Variants in ROPN1 observed in about 807,000 individuals in gnomAD.
ROPN1 encodes rhophilin associated tail protein 1, also known as ropporin-1A.
Under a neutral mutation model 20.5 loss-of-function variants are expected in ROPN1, and 14 were observed. The ratio of observed to expected loss-of-function variants is 0.68; its 90% CI spans 0.45 to 1.07. The LOEUF (loss-of-function observed/expected upper bound fraction) is 1.07. Among genes scored for constraint, ROPN1 ranks in the 50% least tolerant of loss-of-function variants. The pLI, the probability that ROPN1 is intolerant of heterozygous loss-of-function variation, is 0.00. For missense variants in ROPN1, 169 were observed against 242.8 expected (o/e 0.70, Z 2.02); for synonymous variants, 76 against 95.7 (o/e 0.79, Z 1.20).
At chr3:123,985,979 C>A (rs1170375380) in intron 1 of ROPN1, among the ~76,000 whole-genome samples, 1 of 77,044 alleles carries the variant, frequency 1.3e-5, no homozygotes, top group Non-Finnish European at 2.1e-5. Context: ...GGTGACAGAG[C>A]AAGACCTTGT....
chr3:123,986,784 G>A (rs1559827871), intron 1 of ROPN1, among the ~76,000 whole-genome samples: 2 of 152,220 alleles, frequency 1.3e-5, no homozygotes, highest in South Asian at 2.1e-4. Flanking sequence ...TATGGGGAGG[G>A]AAAGTACTGG....
intron 4 of ROPN1, among the ~76,000 whole-genome samples, chr3:123,973,957 C>G (rs1160742208): frequency 1.3e-5 from 2 of 152,202 alleles, no homozygotes; most frequent in Non-Finnish European, 2.9e-5. Context: ...CTTGACTGCT[C>G]TGTGGTCCTA....
chr3:123,974,888 A>G (rs567436212), intron 4 of ROPN1: 1 of 188,544 alleles, frequency 5.3e-6, no homozygotes, highest in South Asian at 1.0e-4. Flanking sequence ...TGGAGATGTC[A>G]TGACTAAATT....
intron 1 of ROPN1, among the ~76,000 whole-genome samples, chr3:123,982,488 A>G (rs905315538): frequency 6.6e-6 from 1 of 152,168 alleles, no homozygotes; most frequent in Non-Finnish European, 1.5e-5. Flanking sequence ...CAAGGGTCTC[A>G]GTACTATTAG....
At chr3:123,975,859 T>G (rs908039065) in intron 3 of ROPN1, 4 of 372,556 alleles carry the variant, frequency 1.1e-5, no homozygotes, top group Non-Finnish European at 2.1e-5. Flanking sequence ...ATTCCTTATA[T>G]GACAGATAGA....
intron 4 of ROPN1, among the ~76,000 whole-genome samples, chr3:123,970,703 C>T (rs1449899810): frequency 1.3e-5 from 2 of 152,114 alleles, no homozygotes; most frequent in African/African-American, 4.8e-5. Context: ...AATGGAGTCC[C>T]AGGAAGATAC....
chr3:123,973,328 A>G (rs775803640), intron 4 of ROPN1, among the ~76,000 whole-genome samples: 29 of 152,116 alleles, frequency 1.9e-4, no homozygotes, highest in Non-Finnish European at 3.2e-4. Context: ...GTTCTTTGAC[A>G]TGGGGATGAT....
intron 4 of ROPN1, among the ~76,000 whole-genome samples, chr3:123,973,843 G>T (rs138339969): frequency 6.6e-6 from 1 of 152,170 alleles, no homozygotes; most frequent in Non-Finnish European, 1.5e-5. Flanking sequence ...CGGGAGAGAC[G>T]AGACCAAAAA....
At chr3:123,987,566 A>C (rs1029183427) in intron 1 of ROPN1, among the ~76,000 whole-genome samples, 6 of 152,196 alleles carry the variant, frequency 3.9e-5, no homozygotes, top group Non-Finnish European at 2.9e-5. Flanking sequence ...TTCTTATAAA[A>C]ATTATGCCCT....
chr3:123,986,206 G>A (rs1001103238), intron 1 of ROPN1, among the ~76,000 whole-genome samples: 2 of 150,686 alleles, frequency 1.3e-5, no homozygotes, highest in African/African-American at 4.9e-5. Flanking sequence ...TTTGAAAACT[G>A]ATTTGTTGTA....
At chr3:123,989,316 G>T (rs2149005296) in intron 1 of ROPN1, among the ~76,000 whole-genome samples, 1 of 152,336 alleles carries the variant, frequency 6.6e-6, no homozygotes, top group Non-Finnish European at 1.5e-5. Flanking sequence ...GGAACCACTA[G>T]AAAATTTAAG....
chr3:123,984,814 T>C (rs1441458239), intron 1 of ROPN1, among the ~76,000 whole-genome samples: 1 of 152,190 alleles, frequency 6.6e-6, no homozygotes, highest in Non-Finnish European at 1.5e-5. Flanking sequence ...AATCTATCCT[T>C]CTTTTCTCTC....
rs1325029915 is a variant in ROPN1 at position 123,976,929 on chromosome 3, C to T, written c.169G>A (p.Glu57Lys). 5 of 1,614,162 alleles carry T rather than the reference C, an allele frequency of 3.1e-6. No individual in the cohort carries two copies. The highest frequency in any genetic ancestry group is 1.6e-4 in the Middle Eastern group (1 of 6,062). Residue 57 changes from glutamate to lysine, a missense_variant, in exon 3 of 6, where the codon GAG becomes AAG. Around this residue, in one of 3 missense-constraint regions of ROPN1, gnomAD observed 84 missense variants for 99.3 expected, o/e 0.85. Coordinates refer to ENST00000405845, the MANE Select transcript of ROPN1 (RefSeq NM_001317774.2). Reference sequence around the variant, plus strand: ...GCCCGGTTACACAAAGCGACTCGCTCAGACCGCTCTCTCACCGGAGGCGTC... The same window carrying T: ...GCCCGGTTACACAAAGCGACTCGCTTAGACCGCTCTCTCACCGGAGGCGTC... The part of the protein sequence containing the change: ...GETPPVRERS[E>K]RVALCNRAEL...
At chr3:123,989,070 A>G (rs944735657) in intron 1 of ROPN1, among the ~76,000 whole-genome samples, 1 of 152,184 alleles carries the variant, frequency 6.6e-6, no homozygotes, top group Non-Finnish European at 1.5e-5. Context: ...AAGCCCTCAG[A>G]AGACAGCCGG....
intron 5 of ROPN1, among the ~76,000 whole-genome samples, 157 bp from the exon 6 acceptor site, chr3:123,969,378 A>G (rs115569253): frequency 7.9e-4 from 121 of 152,260 alleles, no homozygotes; most frequent in African/African-American, 2.7e-3. Flanking sequence ...TGGCTCTGTC[A>G]TCCAGGCTGG....
At chr3:123,986,598 G>A (rs140925507) in intron 1 of ROPN1, among the ~76,000 whole-genome samples, 1 of 152,314 alleles carries the variant, frequency 6.6e-6, no homozygotes, top group East Asian at 1.9e-4. Flanking sequence ...TGGCAGGGGT[G>A]GTGCTTGCTG....
At chr3:123,986,372 A>G (rs1449777752) in intron 1 of ROPN1, among the ~76,000 whole-genome samples, 1 of 152,056 alleles carries the variant, frequency 6.6e-6, no homozygotes, top group Non-Finnish European at 1.5e-5. Context: ...TCCTGAAATG[A>G]CCACACAGTG....
At chr3:123,989,262 T>C (rs928774414) in intron 1 of ROPN1, among the ~76,000 whole-genome samples, 2 of 152,208 alleles carry the variant, frequency 1.3e-5, no homozygotes, top group African/African-American at 4.8e-5. Flanking sequence ...GCTGGAAATA[T>C]AGCTCAAGGC....
intron 5 of ROPN1, 152 bp from the exon 6 acceptor site, chr3:123,969,373 C>G (rs2148988440): frequency 1.4e-6 from 1 of 705,932 alleles, no homozygotes; most frequent in East Asian, 2.8e-5. Flanking sequence ...GGGTCTGGCT[C>G]TGTCATCCAG....
Sources: allele counts gnomAD v4.1 joint callset (sites outside exome capture counted in the v4.1 genomes callset), GRCh38; gene constraint gnomAD v4.1.1; regional missense constraint gnomAD v4.1.1; transcripts MANE v1.5; gene names NCBI Gene and HGNC (gene_info 2026-07-23, HGNC 2026-07-21).